The following CAMKMT variants were observed in gnomAD, a reference collection of about 807,000 sequenced individuals.
The protein encoded by CAMKMT is CaM KMT.
A neutral mutation model predicts 48.0 loss-of-function variants in CAMKMT; 53 were observed. That is an observed-to-expected ratio of 1.10 (90% CI 0.89 to 1.39). CAMKMT has a LOEUF of 1.39. Among genes scored for constraint, CAMKMT ranks in the 40% most tolerant of loss-of-function variants. The probability of loss-of-function intolerance (pLI) is 0.00; values close to 1 mark genes in which losing one functional copy is unlikely to be tolerated. For synonymous variants in CAMKMT, 165 were observed against 152.3 expected, an observed-to-expected ratio of 1.08 and a Z score of -0.61; for missense variants, 428 against 402.7, an observed-to-expected ratio of 1.06 and a Z score of -0.54.
intron 1 of CAMKMT, among the ~76,000 whole-genome samples, chr2:44,364,170 A>T (rs1678346344): frequency 6.6e-6 from 1 of 152,106 alleles, no homozygotes; most frequent in Non-Finnish European, 1.5e-5. Flanking sequence ...TCAGTATAGT[A>T]AAAACTACAG....
intron 3 of CAMKMT, among the ~76,000 whole-genome samples, chr2:44,607,275 A>G (rs142071346): frequency 6.2e-4 from 94 of 152,324 alleles, no homozygotes; most frequent in Non-Finnish European, 9.7e-4. Context: ...CATGTTTTCT[A>G]TCATCTCCAA....
chr2:44,701,912 G>C (rs937424213), intron 3 of CAMKMT, among the ~76,000 whole-genome samples: 2 of 152,010 alleles, frequency 1.3e-5, no homozygotes, highest in East Asian at 1.9e-4. Flanking sequence ...AAGATCTTTT[G>C]AGATGACGTC....
chr2:44,368,802 G>A (rs746519531), intron 1 of CAMKMT, among the ~76,000 whole-genome samples: 6 of 152,074 alleles, frequency 3.9e-5, no homozygotes, highest in Non-Finnish European at 7.4e-5. Context: ...TTTCCTAAGA[G>A]TAAGCTCTGT....
intron 9 of CAMKMT, among the ~76,000 whole-genome samples, chr2:44,757,162 C>A (rs372180049): frequency 5.9e-5 from 9 of 152,314 alleles, no homozygotes; most frequent in Admixed American, 1.3e-4. Flanking sequence ...TAGAACTTAT[C>A]AAGGTTAATC....
intron 2 of CAMKMT, among the ~76,000 whole-genome samples, chr2:44,378,518 A>G (rs1403418803): frequency 6.6e-6 from 1 of 151,970 alleles, no homozygotes; most frequent in Non-Finnish European, 1.5e-5. Flanking sequence ...GTTTTGAGAC[A>G]GAGTCTTGCT....
At chr2:44,707,602 A>T in intron 6 of CAMKMT, 140 bp downstream of exon 6, 1 of 609,212 alleles carries the variant, frequency 1.6e-6, no homozygotes, top group Non-Finnish European at 2.7e-6. Context: ...ATTAAGAAAA[A>T]GTAGAAATAT....
At chr2:44,369,349 A>G (rs532308014) in intron 1 of CAMKMT, among the ~76,000 whole-genome samples, 1 of 152,222 alleles carries the variant, frequency 6.6e-6, no homozygotes, top group Non-Finnish European at 1.5e-5. Context: ...ATACTGATAT[A>G]TTTTCTTGAT....
intron 7 of CAMKMT, chr2:44,723,604 ATAC>A (rs1261059982): frequency 2.8e-4 from 19 of 67,808 alleles, no homozygotes; most frequent in African/African-American, 6.2e-4. Context: ...AAATAAATAC[ATAC>A]ATAAATAAAT....
intron 3 of CAMKMT, among the ~76,000 whole-genome samples, chr2:44,458,171 C>T (rs1015003466): frequency 6.6e-6 from 1 of 151,660 alleles, no homozygotes; most frequent in African/African-American, 2.4e-5. Context: ...CTCAGCCTCC[C>T]ACATAGCTGG....
intron 3 of CAMKMT, among the ~76,000 whole-genome samples, chr2:44,408,916 A>G (rs2850290): frequency 0.63 from 95,523 of 150,770 alleles, 31,415 homozygotes; most frequent in South Asian, 0.79. Flanking sequence ...TAATATTTGT[A>G]TTTTTTATAG....
chr2:44,365,346 C>G (rs989958313), intron 1 of CAMKMT, among the ~76,000 whole-genome samples: 4 of 152,100 alleles, frequency 2.6e-5, no homozygotes, highest in South Asian at 2.1e-4. Context: ...TGAGAGAAAA[C>G]CTGGTTGACC....
intron 3 of CAMKMT, among the ~76,000 whole-genome samples, chr2:44,455,548 G>A (rs1240297367): frequency 6.6e-6 from 1 of 152,148 alleles, no homozygotes; most frequent in African/African-American, 2.4e-5. Flanking sequence ...CATACCCATT[G>A]AAAAATTCTT....
chr2:44,593,277 A>G (rs191503572), intron 3 of CAMKMT, among the ~76,000 whole-genome samples: 15 of 152,148 alleles, frequency 9.9e-5, no homozygotes, highest in Non-Finnish European at 1.9e-4. Context: ...TGAACACTGG[A>G]TACTATTTCC....
At chr2:44,519,285 A>G (rs1670981762) in intron 3 of CAMKMT, among the ~76,000 whole-genome samples, 1 of 152,234 alleles carries the variant, frequency 6.6e-6, no homozygotes, top group South Asian at 2.1e-4. Context: ...GTGTTTATAA[A>G]CAAACAGTGA....
chr2:44,423,692 C>T (rs1684081422), intron 3 of CAMKMT, among the ~76,000 whole-genome samples: 1 of 152,184 alleles, frequency 6.6e-6, no homozygotes, highest in South Asian at 2.1e-4. Flanking sequence ...GTTTTCTGCA[C>T]TTAACACTAC....
At chr2:44,689,996 TTATA>T (rs1345567094) in intron 3 of CAMKMT, among the ~76,000 whole-genome samples, 1 of 152,216 alleles carries the variant, frequency 6.6e-6, no homozygotes, top group Non-Finnish European at 1.5e-5. Context: ...CACATCTAGT[TTATA>T]TAGGTGTAGG....
At chr2:44,537,408 T>C (rs1195550647) in intron 3 of CAMKMT, among the ~76,000 whole-genome samples, 2 of 152,214 alleles carry the variant, frequency 1.3e-5, no homozygotes, top group Non-Finnish European at 2.9e-5. Flanking sequence ...CCAGTAGGTA[T>C]ATGAACAAAT....
chr2:44,367,418 A>G (rs961789352), intron 1 of CAMKMT, among the ~76,000 whole-genome samples: 1 of 152,240 alleles, frequency 6.6e-6, no homozygotes, highest in Non-Finnish European at 1.5e-5. Flanking sequence ...TTTTATGCAT[A>G]AAATTATTTT....
At chr2:44,641,760 G>C (rs1033586540) in intron 3 of CAMKMT, among the ~76,000 whole-genome samples, 4 of 152,056 alleles carry the variant, frequency 2.6e-5, no homozygotes, top group African/African-American at 9.7e-5. Context: ...GTTTTGCCTT[G>C]TTGCCCAGGC....
Sources: gnomAD v4.1 joint callset for allele counts (sites outside exome capture counted in the v4.1 genomes callset) on GRCh38, gnomAD v4.1.1 for gene constraint, MANE v1.5 for transcripts, NCBI Gene and HGNC (gene_info 2026-07-23, HGNC 2026-07-21) for gene names.